Variants in PTPRQ observed in about 807,000 individuals in gnomAD.
PTPRQ encodes the protein phosphatidylinositol phosphatase PTPRQ.
PTPRQ carries 199 observed loss-of-function variants against 246.0 expected under a neutral mutation model. The ratio of observed to expected loss-of-function variants is 0.81; its 90% CI spans 0.72 to 0.91. PTPRQ has a LOEUF of 0.91. Ranked by LOEUF, PTPRQ falls within the 40% of genes least tolerant of loss-of-function variation. PTPRQ has a pLI of 0.00. For synonymous variants in PTPRQ, 869 were observed against 853.2 expected (o/e 1.02, Z -0.32); for missense variants, 2,624 against 2,528.4 (o/e 1.04, Z -0.81).
chr12:80,490,140 T>A (rs1894400980), intron 9 of PTPRQ, among the ~76,000 whole-genome samples: 1 of 151,984 alleles, frequency 6.6e-6, no homozygotes, highest in South Asian at 2.1e-4. Context: ...TTCACCTGAA[T>A]AATGTGTTGA....
At chr12:80,677,996 A>G (rs532982813) in intron 43 of PTPRQ, among the ~76,000 whole-genome samples, 6 of 152,230 alleles carry the variant, frequency 3.9e-5, no homozygotes, top group African/African-American at 1.4e-4. Context: ...AATGGTACTG[A>G]ATTTAGCCCA....
In PTPRQ at chr12:80,658,926, C is replaced by G. The variant is rs552864834; in HGVS notation, c.6192+865C>G. On this transcript the variant is annotated intron_variant, in intron 39 of 44. Transcript: ENST00000644991. Reference sequence around the variant, plus strand: ...TGTTATATGACGTTCCACCCTTTCTCCAACGTCAAACATACTTGTGCTGTG... The same window carrying G: ...TGTTATATGACGTTCCACCCTTTCTGCAACGTCAAACATACTTGTGCTGTG... Among the ~76,000 whole-genome samples the G allele has an allele frequency of 5.9e-5, 9 of 152,144 alleles. No homozygotes were observed. The South Asian group carries it at 1.2e-3, about 21-fold the overall frequency.
chr12:80,559,992 C>G (rs1896777802), intron 25 of PTPRQ, among the ~76,000 whole-genome samples: 1 of 152,168 alleles, frequency 6.6e-6, no homozygotes, highest in Non-Finnish European at 1.5e-5. Context: ...AGGGCATTGC[C>G]AAAACAAGAT....
rs1450511201 is a variant in PTPRQ at position 80,506,087 on chromosome 12, C to T, written c.2336C>T (p.Ser779Leu). ...ATTTCTTCTGGAGAGATTGAGCTATCATTCCTTCCCCCAAGTAGTCCCAAT... is the reference window on the plus strand; with the variant it reads ...ATTTCTTCTGGAGAGATTGAGCTATTATTCCTTCCCCCAAGTAGTCCCAAT... ...KNISSGEIEL[S>L]FLPPSSPNGI... The change falls in exon 15 of 45, where the codon TCA (serine) becomes TTA (leucine). Residue 779 changes from serine (S) to leucine (L), a missense_variant. Ser to Leu is a moderately radical substitution (Grantham distance 145). Transcript: ENST00000644991. 6.5e-7 allele frequency: 1 copy of T among 1,546,280 alleles called. No homozygotes were observed. The highest frequency in any genetic ancestry group is 1.4e-5 in the African/African-American group (1 of 72,778).
At chr12:80,619,263 T>C in intron 30 of PTPRQ, 121 bp from the exon 31 acceptor site, 1 of 1,164,768 alleles carries the variant, frequency 8.6e-7, no homozygotes, top group East Asian at 2.6e-5. Flanking sequence ...TTCTCTATAA[T>C]TTGTTATTTA....
intron 9 of PTPRQ, among the ~76,000 whole-genome samples, chr12:80,492,409 C>T (rs1894477905): frequency 1.3e-5 from 2 of 151,954 alleles, no homozygotes; most frequent in Admixed American, 1.3e-4. Context: ...TCTAATTAGA[C>T]TCCAAACAAA....
At chr12:80,559,174 A>G (rs1896753765) in intron 25 of PTPRQ, among the ~76,000 whole-genome samples, 1 of 152,118 alleles carries the variant, frequency 6.6e-6, no homozygotes, top group Non-Finnish European at 1.5e-5. Context: ...CCTCCCGAGT[A>G]GCTGGGACTA....
In PTPRQ at chr12:80,467,257, T is replaced by G. The variant is rs1383982739; in HGVS notation, c.911-1453T>G. On this transcript the variant is annotated intron_variant, in intron 6 of 44. Coordinates refer to ENST00000644991, the MANE Select transcript of PTPRQ (RefSeq NM_001145026.2). ...TGCAGCCAAAAAACACATGAAAAGA[T>G]GCTCACCATCACTGGCCATCAGATA... 6.6e-5 allele frequency among the ~76,000 whole-genome samples: 10 copies of G among 152,244 alleles called. No homozygotes were observed. The East Asian group carries it at 1.9e-3, about 29-fold the overall frequency.
At chr12:80,485,280 G>A (rs1894236073) in intron 9 of PTPRQ, among the ~76,000 whole-genome samples, 1 of 152,050 alleles carries the variant, frequency 6.6e-6, no homozygotes, top group African/African-American at 2.4e-5. Flanking sequence ...TTCATCAACT[G>A]TTCACCTGTG....
intron 6 of PTPRQ, among the ~76,000 whole-genome samples, chr12:80,465,718 T>C (rs578061040): frequency 2.0e-5 from 3 of 151,972 alleles, no homozygotes; most frequent in African/African-American, 7.2e-5. Flanking sequence ...AATCAATAAA[T>C]GTAATCCAGC....
intron 17 of PTPRQ, among the ~76,000 whole-genome samples, chr12:80,519,749 T>G (rs1895414050): frequency 6.6e-6 from 1 of 152,162 alleles, no homozygotes; most frequent in African/African-American, 2.4e-5. Flanking sequence ...CATCAAATGA[T>G]TTTTTCAGTA....
chr12:80,454,943 G>A (rs1311044731), intron 3 of PTPRQ, among the ~76,000 whole-genome samples: 6 of 152,178 alleles, frequency 3.9e-5, no homozygotes, highest in South Asian at 4.1e-4. Flanking sequence ...TTGGGAGGCC[G>A]AGGCGGGCGG....
At chr12:80,678,757 A>T (rs1231755652) in intron 44 of PTPRQ, 32 bp downstream of exon 44, 2 of 1,525,890 alleles carry the variant, frequency 1.3e-6, no homozygotes, top group Non-Finnish European at 1.8e-6. Context: ...TGCCCAGCTT[A>T]CTAGTTTACC....
intron 35 of PTPRQ, among the ~76,000 whole-genome samples, chr12:80,635,754 T>C (rs1438634447): frequency 6.6e-6 from 1 of 152,156 alleles, no homozygotes; most frequent in African/African-American, 2.4e-5. Context: ...ACTTGTCTAT[T>C]AAGATAATTC....
chr12:80,609,312 C>T (rs1327841673), intron 27 of PTPRQ, among the ~76,000 whole-genome samples: 1 of 150,420 alleles, frequency 6.6e-6, no homozygotes, highest in Non-Finnish European at 1.5e-5. Flanking sequence ...AAAATATGTT[C>T]TTAGCAAAGA....
intron 24 of PTPRQ, among the ~76,000 whole-genome samples, chr12:80,548,704 C>G: frequency 6.6e-6 from 1 of 152,106 alleles, no homozygotes; most frequent in Admixed American, 6.6e-5. Context: ...TTACTGTGAC[C>G]AGAAAAGTTA....
intron 25 of PTPRQ, among the ~76,000 whole-genome samples, chr12:80,574,978 A>G (rs1266226454): frequency 1.3e-5 from 2 of 152,200 alleles, no homozygotes; most frequent in African/African-American, 4.8e-5. Flanking sequence ...CTGACACCTC[A>G]AGCCAATAGC....
chr12:80,505,196 C>A (rs1444592003), intron 14 of PTPRQ, among the ~76,000 whole-genome samples: 2 of 151,854 alleles, frequency 1.3e-5, no homozygotes, highest in Admixed American at 6.6e-5. Context: ...TATGGCAAGG[C>A]AAAACTGGCT....
At chr12:80,514,400 A>ACT (rs1233839272) in intron 17 of PTPRQ, among the ~76,000 whole-genome samples, 7 of 47,854 alleles carry the variant, frequency 1.5e-4, no homozygotes, top group South Asian at 6.5e-4. Context: ...ACACACACAC[A>ACT]CACTCTCTCT....
Sources: gnomAD v4.1 joint callset for allele counts (sites outside exome capture counted in the v4.1 genomes callset) on GRCh38, gnomAD v4.1.1 for gene constraint, MANE v1.5 for transcripts, NCBI Gene and HGNC (gene_info 2026-07-23, HGNC 2026-07-21) for gene names.